Variants in TANK observed in about 807,000 individuals in gnomAD.
TANK encodes the protein TRAF family member associated NFKB activator.
A neutral mutation model predicts 43.6 loss-of-function variants in TANK; 15 were observed. The ratio of observed to expected loss-of-function variants is 0.34; its 90% CI spans 0.23 to 0.53. The LOEUF is 0.53. TANK is among the 20% of genes least tolerant of loss of function. TANK has a pLI of 0.94. For missense variants in TANK, 417 were observed against 498.6 expected, an observed-to-expected ratio of 0.84 and a Z score of 1.56; for synonymous variants, 162 against 178.2, an observed-to-expected ratio of 0.91 and a Z score of 0.73.
chr2:161,138,064 A>G (rs142926220), intron 1 of TANK: 441 of 504,082 alleles, frequency 8.7e-4, no homozygotes, highest in African/African-American at 4.9e-3. Flanking sequence ...TAAAGTGTTA[A>G]TCTTATAGAC....
chr2:161,235,665 A>G lies in TANK; in HGVS notation c.*147A>G. On this transcript the variant is annotated 3_prime_UTR_variant, in exon 8 of 8. Transcript: ENST00000392749. Reference sequence around the variant, plus strand: ...TTGAATTTTTTTCTGGATTTACTATATAACTCTTATTTTTTAAAAGATCAT... The same window carrying G: ...TTGAATTTTTTTCTGGATTTACTATGTAACTCTTATTTTTTAAAAGATCAT... The G allele has an allele frequency of 5.1e-6, 3 of 587,822 alleles. No individual in the cohort carries two copies. Among genetic ancestry groups the G allele is most frequent in the Non-Finnish European group, 8.1e-6 (3 of 368,176 alleles). The allele number at this position is 587,822 out of a possible 1,614,324, so 36.4% of individuals were successfully genotyped here. A position where few individuals can be genotyped will look rare whatever the true frequency, so the allele number is the denominator to read the frequency against.
At chr2:161,231,632 A>T (rs969437382) in intron 7 of TANK, 81 bp downstream of exon 7, 67 of 1,251,894 alleles carry the variant, frequency 5.4e-5, no homozygotes, top group Middle Eastern at 1.9e-4. Context: ...CATCTCTTTT[A>T]CGTTATCAAA....
chr2:161,201,407 T>C (rs1686407264), intron 2 of TANK: 4 of 386,426 alleles, frequency 1.0e-5, no homozygotes, highest in African/African-American at 4.4e-5. Context: ...AAAGAAAATA[T>C]ATGGTTTCTT....
intron 1 of TANK, among the ~76,000 whole-genome samples, chr2:161,145,055 T>G (rs1021421350): frequency 3.3e-5 from 5 of 151,636 alleles, no homozygotes; most frequent in Non-Finnish European, 7.4e-5. Context: ...TATGTAATGC[T>G]CTTCTTTGTC....
chr2:161,209,676 T>G (rs1686794616), intron 4 of TANK, among the ~76,000 whole-genome samples: 1 of 152,178 alleles, frequency 6.6e-6, no homozygotes, highest in Admixed American at 6.5e-5. Flanking sequence ...AATTCTCCGG[T>G]GGTTTGATGC....
chr2:161,213,566 C>T (rs904312573), intron 4 of TANK, among the ~76,000 whole-genome samples: 2 of 148,522 alleles, frequency 1.3e-5, no homozygotes, highest in Non-Finnish European at 3.0e-5. Context: ...CACACCACTG[C>T]ACTCCAGCCT....
chr2:161,211,742 G>T, intron 4 of TANK: 1 of 985,054 alleles, frequency 1.0e-6, no homozygotes, highest in Non-Finnish European at 1.2e-6. Flanking sequence ...TACAGAAATG[G>T]TGATTATGCA....
At chr2:161,161,531 T>G in intron 1 of TANK, 1 of 1,466,236 alleles carries the variant, frequency 6.8e-7, no homozygotes. Flanking sequence ...TTCTCAGTCC[T>G]CTCCCCAGTT....
intron 2 of TANK, 97 bp from the exon 3 acceptor site, chr2:161,203,390 T>A: frequency 1.3e-6 from 1 of 745,722 alleles, no homozygotes; most frequent in Non-Finnish European, 2.2e-6. Context: ...AAAATGACAA[T>A]GTGGGCAACT....
At chr2:161,188,335 A>G (rs1279697120) in intron 2 of TANK, among the ~76,000 whole-genome samples, 1 of 152,172 alleles carries the variant, frequency 6.6e-6, no homozygotes, top group Non-Finnish European at 1.5e-5. Context: ...AATAACTAAA[A>G]TAAGAAAATG....
intron 2 of TANK, among the ~76,000 whole-genome samples, chr2:161,182,841 T>A (rs1241790385): frequency 1.3e-5 from 2 of 152,176 alleles, no homozygotes; most frequent in East Asian, 3.8e-4. Context: ...CTCCAGAGTA[T>A]GCAGCAAGAC....
At chr2:161,152,988 A>AT (rs1684120704) in intron 1 of TANK, among the ~76,000 whole-genome samples, 1 of 152,012 alleles carries the variant, frequency 6.6e-6, no homozygotes, top group Non-Finnish European at 1.5e-5. Flanking sequence ...TTCTTGAAAT[A>AT]TTTTTTCTGC....
intron 4 of TANK, among the ~76,000 whole-genome samples, chr2:161,220,841 G>A (rs962903672): frequency 6.6e-6 from 1 of 152,024 alleles, no homozygotes; most frequent in Non-Finnish European, 1.5e-5. Context: ...ATCCTAGAAT[G>A]GGAAACAAAA....
At chr2:161,201,871 A>G (rs1686429012) in intron 2 of TANK, among the ~76,000 whole-genome samples, 1 of 152,226 alleles carries the variant, frequency 6.6e-6, no homozygotes, top group Non-Finnish European at 1.5e-5. Context: ...AGACGTATTC[A>G]TTGGACATGC....
chr2:161,143,083 A>T (rs10166550), intron 1 of TANK, among the ~76,000 whole-genome samples: 6,405 of 152,118 alleles, frequency 0.042, 409 homozygotes, highest in African/African-American at 0.14. Context: ...TCTTTGTAGC[A>T]ATTGTGAATG....
intron 4 of TANK, among the ~76,000 whole-genome samples, chr2:161,211,498 T>G (rs1400587028): frequency 6.6e-6 from 1 of 152,240 alleles, no homozygotes; most frequent in Non-Finnish European, 1.5e-5. Flanking sequence ...AGGTAAATGA[T>G]AAATATGTTT....
chr2:161,174,043 GAGA>G (rs1265532991), intron 1 of TANK, among the ~76,000 whole-genome samples: 1 of 152,154 alleles, frequency 6.6e-6, no homozygotes, highest in Non-Finnish European at 1.5e-5. Flanking sequence ...AGTACTATAA[GAGA>G]AGGAGAGAAT....
chr2:161,187,389 A>C (rs1225603038), intron 2 of TANK, among the ~76,000 whole-genome samples: 1 of 152,204 alleles, frequency 6.6e-6, no homozygotes, highest in Non-Finnish European at 1.5e-5. Context: ...TGTTTGCACC[A>C]CTGCACTCCA....
At chr2:161,187,756 A>G (rs972813420) in intron 2 of TANK, among the ~76,000 whole-genome samples, 1 of 152,188 alleles carries the variant, frequency 6.6e-6, no homozygotes, top group South Asian at 2.1e-4. Flanking sequence ...AACCCCAGCA[A>G]CAACAGAATA....
Sources: allele counts gnomAD v4.1 joint callset (sites outside exome capture counted in the v4.1 genomes callset), GRCh38; gene constraint gnomAD v4.1.1; transcripts MANE v1.5; gene names NCBI Gene and HGNC (gene_info 2026-07-23, HGNC 2026-07-21).